The following SLC2A9 variants were observed in gnomAD, a reference collection of about 807,000 sequenced individuals.
The protein encoded by SLC2A9 is solute carrier family 2, facilitated glucose transporter member 9.
SLC2A9 carries 39 observed loss-of-function variants against 50.6 expected under a neutral mutation model. The observed-to-expected ratio is 0.77, with a 90% confidence interval of 0.60 to 1.01. The LOEUF (loss-of-function observed/expected upper bound fraction) is 1.01. Among genes scored for constraint, SLC2A9 ranks in the 50% least tolerant of loss-of-function variants. The probability of loss-of-function intolerance (pLI) is 0.00; values close to 1 mark genes in which losing one functional copy is unlikely to be tolerated. For missense variants in SLC2A9, 686 were observed against 677.6 expected, an observed-to-expected ratio of 1.01 and a Z score of -0.14; for synonymous variants, 324 against 276.9, an observed-to-expected ratio of 1.17 and a Z score of -1.69.
At chr4:9,866,054 G>A (rs994217659) in intron 10 of SLC2A9, among the ~76,000 whole-genome samples, 1 of 152,158 alleles carries the variant, frequency 6.6e-6, no homozygotes, top group Non-Finnish European at 1.5e-5. Context: ...AGGAGGGCAA[G>A]GAGGGACTTG....
downstream of SLC2A9, among the ~76,000 whole-genome samples, chr4:9,823,012 G>A (rs1980220): frequency 0.22 from 32,722 of 151,990 alleles, 3,634 homozygotes; most frequent in Admixed American, 0.28. Flanking sequence ...TCTTCAATTT[G>A]CCTGATATAA....
intron 11 of SLC2A9, among the ~76,000 whole-genome samples, chr4:9,831,330 G>A (rs1173534099): frequency 6.6e-6 from 1 of 152,140 alleles, no homozygotes; most frequent in Non-Finnish European, 1.5e-5. Flanking sequence ...TCTCATAAGA[G>A]AGGAGAAGAG....
At chr4:9,976,408 G>A (rs1754810758) in intron 5 of SLC2A9, among the ~76,000 whole-genome samples, 1 of 152,138 alleles carries the variant, frequency 6.6e-6, no homozygotes, top group African/African-American at 2.4e-5. Context: ...TGGGAAATAT[G>A]ATTAAAATAG....
At chr4:9,940,271 C>G (rs1036275280) in intron 6 of SLC2A9, among the ~76,000 whole-genome samples, 2 of 152,170 alleles carry the variant, frequency 1.3e-5, no homozygotes, top group African/African-American at 4.8e-5. Flanking sequence ...ATCTGACAAC[C>G]ATCTGAACCA....
At chr4:9,889,987 G>A (rs143241420) in intron 9 of SLC2A9, among the ~76,000 whole-genome samples, 19 of 152,222 alleles carry the variant, frequency 1.2e-4, no homozygotes, top group African/African-American at 2.9e-4. Flanking sequence ...GAAGTACATC[G>A]CCACCCCTCC....
At chr4:9,857,532 C>A (rs545660436) in intron 10 of SLC2A9, among the ~76,000 whole-genome samples, 1 of 152,324 alleles carries the variant, frequency 6.6e-6, no homozygotes, top group East Asian at 1.9e-4. Context: ...GCATCCCTGG[C>A]AGAGGCTTTT....
chr4:10,038,002 G>C (rs1336012466), intron 1 of SLC2A9, among the ~76,000 whole-genome samples: 2 of 152,080 alleles, frequency 1.3e-5, no homozygotes, highest in African/African-American at 2.4e-5. Context: ...CACGGTAGCT[G>C]TGATAAGGAG....
chr4:10,020,872 C>T (rs1171742181), intron 1 of SLC2A9, among the ~76,000 whole-genome samples: 1 of 152,236 alleles, frequency 6.6e-6, no homozygotes, highest in Admixed American at 6.5e-5. Context: ...CCGGAGCCCC[C>T]TGCCTGTGTG....
At chr4:10,037,858 C>T (rs951835565) in intron 1 of SLC2A9, among the ~76,000 whole-genome samples, 5 of 151,980 alleles carry the variant, frequency 3.3e-5, no homozygotes, top group Non-Finnish European at 5.9e-5. Context: ...GGCTGAGGCA[C>T]GAGAATCGCT....
At chr4:10,010,384 G>A (rs1274668979) in intron 2 of SLC2A9, among the ~76,000 whole-genome samples, 1 of 152,144 alleles carries the variant, frequency 6.6e-6, no homozygotes, top group Non-Finnish European at 1.5e-5. Context: ...AGCACTTCCT[G>A]AGTTCTGTGA....
intron 3 of SLC2A9, among the ~76,000 whole-genome samples, chr4:9,789,689 C>G (rs1338797343): frequency 6.6e-6 from 1 of 152,210 alleles, no homozygotes; most frequent in African/African-American, 2.4e-5. Flanking sequence ...ATGAGTACCC[C>G]TACTCACAAG....
At chr4:9,804,718 G>A (rs572450981) in intron 3 of SLC2A9, among the ~76,000 whole-genome samples, 1 of 152,328 alleles carries the variant, frequency 6.6e-6, no homozygotes, top group South Asian at 2.1e-4. Flanking sequence ...CAGTACTACA[G>A]TCTTCAAGAG....
chr4:9,772,171 T>A (rs980508318), intron 1 of SLC2A9, among the ~76,000 whole-genome samples: 3 of 152,052 alleles, frequency 2.0e-5, no homozygotes, highest in Non-Finnish European at 4.4e-5. Context: ...GGTGAAGACA[T>A]CAGCACTGAG....
At chr4:10,009,212 G>A (rs981129974) in intron 2 of SLC2A9, among the ~76,000 whole-genome samples, 1 of 152,146 alleles carries the variant, frequency 6.6e-6, no homozygotes, top group Non-Finnish European at 1.5e-5. Flanking sequence ...CCTTGAGAAT[G>A]GGTCTCAGGC....
chr4:9,824,688 A>C (rs1724869869), downstream of SLC2A9, among the ~76,000 whole-genome samples: 1 of 152,206 alleles, frequency 6.6e-6, no homozygotes, highest in Admixed American at 6.5e-5. Context: ...TTGCTTACTG[A>C]TACATCTTTA....
At chr4:9,882,989 T>C (rs193289149) in intron 10 of SLC2A9, among the ~76,000 whole-genome samples, 207 of 152,294 alleles carry the variant, frequency 1.4e-3, no homozygotes, top group Non-Finnish European at 1.8e-3. Flanking sequence ...ATGTCAGTGT[T>C]AGCTGAAAAA....
rs896671314 is a variant in SLC2A9 at position 9,983,133 on chromosome 4, G to T, written c.536-2396C>A. 3.3e-5 allele frequency among the ~76,000 whole-genome samples: 5 copies of T among 152,292 alleles called. No individual in the cohort carries two copies. The South Asian group carries it at 8.3e-4, about 25-fold the overall frequency. Reference sequence around the variant, plus strand: ...TCCGCCCGCCTCGGCCTCCCAAAGTGCTGGGATTACAGGTGTGAGCCACCG... The same window carrying T: ...TCCGCCCGCCTCGGCCTCCCAAAGTTCTGGGATTACAGGTGTGAGCCACCG... On this transcript the variant is annotated intron_variant, in intron 4 of 11. Coordinates refer to ENST00000264784, the MANE Select transcript of SLC2A9 (RefSeq NM_020041.3).
At chr4:9,893,182 C>T (rs889086903) in intron 8 of SLC2A9, among the ~76,000 whole-genome samples, 3 of 152,142 alleles carry the variant, frequency 2.0e-5, no homozygotes, top group Non-Finnish European at 4.4e-5. Context: ...GTCCAGCTCC[C>T]GGACCCGAAC....
intron 4 of SLC2A9, among the ~76,000 whole-genome samples, chr4:9,982,842 G>A (rs1053580395): frequency 1.3e-5 from 2 of 152,318 alleles, no homozygotes; most frequent in Admixed American, 6.5e-5. Context: ...ACTTCAATAC[G>A]TAGAACATCG....
Sources: allele counts gnomAD v4.1 joint callset (sites outside exome capture counted in the v4.1 genomes callset), GRCh38; gene constraint gnomAD v4.1.1; transcripts MANE v1.5; gene names NCBI Gene and HGNC (gene_info 2026-07-23, HGNC 2026-07-21).